Variants in DIAPH2 observed in about 807,000 individuals in gnomAD.
The protein encoded by DIAPH2 is diaphanous related formin 2.
A neutral mutation model predicts 92.7 loss-of-function variants in DIAPH2; 35 were observed. The ratio of observed to expected loss-of-function variants is 0.38; its 90% CI spans 0.29 to 0.50. The LOEUF (loss-of-function observed/expected upper bound fraction) is 0.50, where lower values mean the gene tolerates loss of function less well. Among genes scored for constraint, DIAPH2 ranks in the 20% least tolerant of loss-of-function variants. The pLI is 0.94. For synonymous variants in DIAPH2, 301 were observed against 280.4 expected (o/e 1.07, Z -0.73); for missense variants, 701 against 819.5 (o/e 0.86, Z 1.77).
rs777147764 is a variant in DIAPH2, at chrX:97,245,484, G to T, written c.2720-2231G>T. Among the ~76,000 whole-genome samples the T allele has an allele frequency of 4.5e-5, 5 of 110,220 alleles. No individual in the cohort carries two copies. In the South Asian group the frequency reaches 1.6e-3, roughly 35 times the overall value. On this transcript the variant is annotated intron_variant, in intron 22 of 26. Transcript: ENST00000324765. The stretch of plus-strand genomic sequence containing the variant: ...GACGAGGTCTAGCTATGTTGCTTAG[G>T]CTGCTCTCGAACTCCTGGGCCCACG...
chrX:96,692,457 A>G (rs2063802818), intron 1 of DIAPH2, among the ~76,000 whole-genome samples: 1 of 112,122 alleles, frequency 8.9e-6, no homozygotes, highest in African/African-American at 3.2e-5. Flanking sequence ...CTCCTTAAAC[A>G]AATACAGCTT....
At chrX:97,113,370 A>G (rs2066995985) in intron 20 of DIAPH2, among the ~76,000 whole-genome samples, 1 of 111,758 alleles carries the variant, frequency 8.9e-6, no homozygotes, top group Non-Finnish European at 1.9e-5. Flanking sequence ...CGTGTTTTAT[A>G]GTTGCCATGT....
At chrX:97,180,373 C>A (rs970844280) in intron 22 of DIAPH2, among the ~76,000 whole-genome samples, 14 of 110,978 alleles carry the variant, frequency 1.3e-4, no homozygotes, top group South Asian at 3.8e-4. Flanking sequence ...CTTGTAAATT[C>A]CTTGAAGTTT....
At chrX:96,733,294 T>C (rs2064067112) in intron 1 of DIAPH2, among the ~76,000 whole-genome samples, 1 of 111,723 alleles carries the variant, frequency 9.0e-6, no homozygotes, top group South Asian at 3.8e-4. Context: ...ATGTTTCCAT[T>C]TGAAATAGGA....
At chrX:96,945,731 G>T in intron 14 of DIAPH2, 140 bp downstream of exon 14, 1 of 388,519 alleles carries the variant, frequency 2.6e-6, no homozygotes, top group Non-Finnish European at 4.3e-6. Context: ...ACATAGCCGT[G>T]GAATATTGAT....
At chrX:96,710,548 A>C (rs2063911353) in intron 1 of DIAPH2, among the ~76,000 whole-genome samples, 1 of 111,331 alleles carries the variant, frequency 9.0e-6, no homozygotes, top group Non-Finnish European at 1.9e-5. Flanking sequence ...GATAATAAAG[A>C]AATTTACATT....
At position 97,596,939 on chromosome X, in the gene DIAPH2, G is replaced by C. The variant is rs1469002315; in HGVS notation, c.3242-2314G>C. 3.6e-5 allele frequency among the ~76,000 whole-genome samples: 4 copies of C among 111,242 alleles called. No homozygotes were observed. In the East Asian group the frequency reaches 1.1e-3, roughly 31 times the overall value. On this transcript the variant is annotated intron_variant, in intron 26 of 26. Coordinates refer to ENST00000324765, the MANE Select transcript of DIAPH2 (RefSeq NM_006729.5). ...ACACACAAACATGCAGAGTATAAGA[G>C]TATATATATGTATATATATTTGTTG...
intron 19 of DIAPH2, among the ~76,000 whole-genome samples, chrX:97,085,198 A>C (rs1267498469): frequency 1.8e-5 from 2 of 111,880 alleles, no homozygotes; most frequent in Non-Finnish European, 3.8e-5. Flanking sequence ...ATATGAGAAT[A>C]TTTGAAATCA....
intron 19 of DIAPH2, among the ~76,000 whole-genome samples, chrX:97,086,811 G>C (rs1195308829): frequency 9.0e-6 from 1 of 111,488 alleles, no homozygotes; most frequent in Non-Finnish European, 1.9e-5. Flanking sequence ...GTCAATCTGG[G>C]ATCACAACTT....
intron 26 of DIAPH2, among the ~76,000 whole-genome samples, chrX:97,532,998 A>ATT (rs980330090): frequency 0.013 from 1,332 of 104,503 alleles, 28 homozygotes; most frequent in African/African-American, 0.043. Context: ...CTTTATTTCT[A>ATT]TTTTTTTTTT....
At chrX:97,593,049 G>C (rs919745566) in intron 26 of DIAPH2, among the ~76,000 whole-genome samples, 1 of 111,833 alleles carries the variant, frequency 8.9e-6, no homozygotes, top group African/African-American at 3.2e-5. Flanking sequence ...GTAATCGATT[G>C]GCTTCTAGAC....
intron 26 of DIAPH2, among the ~76,000 whole-genome samples, chrX:97,552,814 A>G (rs1364950503): frequency 1.8e-5 from 2 of 112,020 alleles, no homozygotes; most frequent in Non-Finnish European, 3.8e-5. Flanking sequence ...AATAAATGCC[A>G]TAGACTTGGT....
At chrX:97,526,842 A>T (rs1275735100) in intron 26 of DIAPH2, among the ~76,000 whole-genome samples, 1 of 111,651 alleles carries the variant, frequency 9.0e-6, no homozygotes, top group Non-Finnish European at 1.9e-5. Context: ...TTGGTATTCT[A>T]CAAGCCTTTT....
intron 4 of DIAPH2, among the ~76,000 whole-genome samples, chrX:96,791,228 A>C (rs1475953579): frequency 8.9e-6 from 1 of 111,900 alleles, no homozygotes; most frequent in Non-Finnish European, 1.9e-5. Flanking sequence ...ATATTTAGTA[A>C]AGTTTGGAGC....
At chrX:96,701,091 C>T (rs1429694935) in intron 1 of DIAPH2, among the ~76,000 whole-genome samples, 1 of 111,777 alleles carries the variant, frequency 8.9e-6, no homozygotes, top group Non-Finnish European at 1.9e-5. Flanking sequence ...AACTCTTAAA[C>T]CCTTTATTGC....
At chrX:96,856,840 C>T (rs1213925501) in intron 4 of DIAPH2, among the ~76,000 whole-genome samples, 1 of 110,290 alleles carries the variant, frequency 9.1e-6, no homozygotes, top group Non-Finnish European at 1.9e-5. Context: ...AGTTTGAAAC[C>T]AGCCTGGCCA....
chrX:97,249,412 G>T (rs755228455), intron 23 of DIAPH2, among the ~76,000 whole-genome samples: 122 of 111,894 alleles, frequency 1.1e-3, no homozygotes, highest in African/African-American at 3.9e-3. Context: ...CATTTAAGTG[G>T]CACTAAAGTG....
At chrX:97,323,926 T>C (rs1399498602) in intron 23 of DIAPH2, among the ~76,000 whole-genome samples, 1 of 88,409 alleles carries the variant, frequency 1.1e-5, no homozygotes, top group Admixed American at 1.3e-4. Context: ...AAAAAAAAAA[T>C]AAGTAAGCTC....
chrX:97,014,581 C>G (rs1177174485), intron 17 of DIAPH2, among the ~76,000 whole-genome samples: 1 of 112,107 alleles, frequency 8.9e-6, no homozygotes, highest in Non-Finnish European at 1.9e-5. Context: ...ACAGCTTCTA[C>G]TGCTCTGAGA....
Sources: allele counts gnomAD v4.1 joint callset (sites outside exome capture counted in the v4.1 genomes callset), GRCh38; gene constraint gnomAD v4.1.1; transcripts MANE v1.5; gene names NCBI Gene and HGNC (gene_info 2026-07-23, HGNC 2026-07-21).